The following PRKAG2 variants were observed in gnomAD, a reference collection of about 807,000 sequenced individuals.
PRKAG2 encodes 5'-AMP-activated protein kinase subunit gamma-2.
In PRKAG2, 26 loss-of-function variants were observed where a neutral mutation model predicts 69.6. That is an observed-to-expected ratio of 0.37 (90% CI 0.27 to 0.52). PRKAG2 has a LOEUF of 0.52. Among genes scored for constraint, PRKAG2 ranks in the 20% least tolerant of loss-of-function variants. PRKAG2 has a pLI of 0.90. For synonymous variants in PRKAG2, 293 were observed against 285.0 expected (o/e 1.03, Z -0.28); for missense variants, 557 against 740.0 (o/e 0.75, Z 2.87).
chr7:151,672,234 T>C (rs1226574872), intron 4 of PRKAG2, among the ~76,000 whole-genome samples: 1 of 152,116 alleles, frequency 6.6e-6, no homozygotes, highest in Non-Finnish European at 1.5e-5. Context: ...CCCAAGTAGC[T>C]GGGATTACAG....
intron 6 of PRKAG2, among the ~76,000 whole-genome samples, chr7:151,577,082 C>T (rs1809127161): frequency 6.6e-6 from 1 of 151,700 alleles, no homozygotes; most frequent in Non-Finnish European, 1.5e-5. Context: ...TCTAATATCT[C>T]CTACATGTGG....
At chr7:151,700,224 T>C (rs779243960) in intron 3 of PRKAG2, among the ~76,000 whole-genome samples, 3 of 152,250 alleles carry the variant, frequency 2.0e-5, no homozygotes, top group African/African-American at 2.4e-5. Flanking sequence ...AGAGGCGTAT[T>C]ATACGCCGGG....
chr7:151,723,106 C>T (rs915144111), intron 3 of PRKAG2, among the ~76,000 whole-genome samples: 5 of 152,196 alleles, frequency 3.3e-5, no homozygotes, highest in Admixed American at 6.5e-5. Context: ...GAGAGGTGGA[C>T]CACAGTGACG....
intron 3 of PRKAG2, among the ~76,000 whole-genome samples, chr7:151,766,768 C>T (rs970852434): frequency 1.3e-5 from 2 of 152,214 alleles, no homozygotes; most frequent in Non-Finnish European, 2.9e-5. Context: ...AACACCTCTC[C>T]GAGCCAGTCC....
chr7:151,859,726 C>A (rs2079871340), intron 1 of PRKAG2, among the ~76,000 whole-genome samples: 1 of 152,202 alleles, frequency 6.6e-6, no homozygotes, highest in Non-Finnish European at 1.5e-5. Flanking sequence ...CTTCTGCTCT[C>A]ATCAGCCACT....
chr7:151,611,916 A>G (rs1224855461), intron 5 of PRKAG2, among the ~76,000 whole-genome samples: 2 of 152,256 alleles, frequency 1.3e-5, no homozygotes, highest in Non-Finnish European at 2.9e-5. Flanking sequence ...GTGGTGGTGC[A>G]CACCTGTGGT....
chr7:151,632,705 C>T lies in PRKAG2; in HGVS notation c.685-567G>A, dbSNP rs753576328. 2 of 705,874 alleles carry T rather than the reference C, an allele frequency of 2.8e-6. No homozygotes were observed. Among genetic ancestry groups the T allele is most frequent in the African/African-American group, 3.9e-5 (2 of 51,910 alleles). 43.7% of individuals were successfully genotyped at this position (705,874 alleles called of 1,614,324 possible). A position where few individuals can be genotyped will look rare whatever the true frequency, so the allele number is the denominator to read the frequency against. On this transcript the variant is annotated intron_variant, in intron 4 of 15. Coordinates refer to ENST00000287878, the MANE Select transcript of PRKAG2 (RefSeq NM_016203.4). This position sits in a 1 kb window ranked among gnomAD's most constrained non-coding sequence, Gnocchi z 4.2. ...AGCTAGGGGATCCTTTCTCGCTTTCCTCTTCCCTTTCCAAATTTTAGATGT... is the reference window on the plus strand; with the variant it reads ...AGCTAGGGGATCCTTTCTCGCTTTCTTCTTCCCTTTCCAAATTTTAGATGT...
intron 4 of PRKAG2, among the ~76,000 whole-genome samples, chr7:151,661,705 G>A (rs1032729403): frequency 6.6e-6 from 1 of 152,150 alleles, no homozygotes; most frequent in East Asian, 1.9e-4. Context: ...ACAACCCTTC[G>A]AAACAGGTTT....
chr7:151,786,508 C>T lies in PRKAG2; in HGVS notation c.148G>A (p.Gly50Arg), dbSNP rs1430071393. 2.5e-6 allele frequency: 4 copies of T among 1,612,860 alleles called. No homozygotes were observed. The highest frequency in any genetic ancestry group is 3.4e-6 in the Non-Finnish European group (4 of 1,179,674). ...LSSFAMPLLD[G>R]DLEGSGKHSS... ...TGCTTTCCGGAACCCTCCAGGTCTC[C>T]GTCCAGGAGCGGCATGGCGAAGGAG... is the stretch of plus-strand genomic sequence containing the variant. The change falls in exon 2 of 16, where the codon GGA becomes AGA. Residue 50 changes from glycine (G) to arginine (R), a missense_variant. Around this residue, in one of 2 missense-constraint regions of PRKAG2, gnomAD observed 352 missense variants for 356.7 expected, o/e 0.99. Coordinates refer to ENST00000287878, the MANE Select transcript of PRKAG2 (RefSeq NM_016203.4).
chr7:151,715,840 G>A (rs1183853104), intron 3 of PRKAG2, among the ~76,000 whole-genome samples: 1 of 146,798 alleles, frequency 6.8e-6, no homozygotes, highest in African/African-American at 2.7e-5. Flanking sequence ...GAGAGAGGGC[G>A]GGGCGGGGCA....
At chr7:151,657,719 T>C (rs529093661) in intron 4 of PRKAG2, among the ~76,000 whole-genome samples, 1 of 152,320 alleles carries the variant, frequency 6.6e-6, no homozygotes, top group East Asian at 1.9e-4. Flanking sequence ...CCTACCTTCA[T>C]AGTCTAGACA....
chr7:151,565,423 G>A (rs776542378), intron 12 of PRKAG2, 40 bp from the exon 13 acceptor site: 2 of 1,261,750 alleles, frequency 1.6e-6, no homozygotes, highest in African/African-American at 1.5e-5. Context: ...TGTCTTAAGG[G>A]ACAAAAAGAA....
intron 3 of PRKAG2, among the ~76,000 whole-genome samples, chr7:151,700,359 C>T (rs1451810371): frequency 2.6e-5 from 4 of 152,158 alleles, no homozygotes; most frequent in African/African-American, 4.8e-5. Flanking sequence ...TTGTTAGACA[C>T]GCAGACCTCC....
At position 151,814,339 on chromosome 7, in the gene PRKAG2, G is replaced by A. The variant is rs1306006963; in HGVS notation, c.115-27798C>T. Reference sequence around the variant, plus strand: ...TTACACACCAAGGAGACAAAGCATCGTGAGGGGGAAAACCGCACACCCAGG... The same window carrying A: ...TTACACACCAAGGAGACAAAGCATCATGAGGGGGAAAACCGCACACCCAGG... On this transcript the variant is annotated intron_variant, in intron 1 of 15. Coordinates refer to ENST00000287878, the MANE Select transcript of PRKAG2 (RefSeq NM_016203.4). This position sits in a 1 kb window ranked among gnomAD's most constrained non-coding sequence, Gnocchi z 4.8. The A allele has an allele frequency of 1.7e-5, 17 of 1,029,374 alleles. No homozygotes were observed. The highest frequency in any genetic ancestry group is 3.6e-4 in the Middle Eastern group (1 of 2,746). 63.8% of individuals were successfully genotyped at this position (1,029,374 alleles called of 1,614,324 possible).
chr7:151,721,833 C>A (rs1797167982), intron 3 of PRKAG2, among the ~76,000 whole-genome samples: 1 of 152,130 alleles, frequency 6.6e-6, no homozygotes. Context: ...ACCCAGGTCC[C>A]TTAGTTCCCA....
At chr7:151,715,037 T>C (rs1167657107) in intron 3 of PRKAG2, among the ~76,000 whole-genome samples, 3 of 147,930 alleles carry the variant, frequency 2.0e-5, no homozygotes, top group Non-Finnish European at 4.5e-5. Flanking sequence ...TTTTTTGAGA[T>C]GGAGTTTCGC....
intron 3 of PRKAG2, among the ~76,000 whole-genome samples, chr7:151,745,749 C>T (rs2074238791): frequency 6.6e-6 from 1 of 152,084 alleles, no homozygotes; most frequent in African/African-American, 2.4e-5. Context: ...TTTAGCATGC[C>T]GAAATGCAGC....
intron 5 of PRKAG2, among the ~76,000 whole-genome samples, chr7:151,608,003 C>G (rs1817903986): frequency 6.6e-6 from 1 of 152,122 alleles, no homozygotes; most frequent in South Asian, 2.1e-4. Context: ...GCCCTAAATC[C>G]AATGACAAGT....
Position 151,758,595 on chromosome 7 carries a change from T to C in PRKAG2, c.466+22557A>G, listed in dbSNP as rs1348959852. ...GGGAGATCCAAGGTCCCCAGAGACA[T>C]GGTGTTCTTCCCATGTTGGGTGACC... On this transcript the variant is annotated intron_variant, in intron 3 of 15. Transcript: ENST00000287878. Among the ~76,000 whole-genome samples the C allele has an allele frequency of 3.3e-5, 5 of 152,126 alleles. No individual in the cohort carries two copies. The East Asian group carries it at 9.6e-4, about 29-fold the overall frequency.
Sources: allele counts gnomAD v4.1 joint callset (sites outside exome capture counted in the v4.1 genomes callset), GRCh38; gene constraint gnomAD v4.1.1; regional missense constraint gnomAD v4.1.1; non-coding constraint Gnocchi (gnomAD v3.1); transcripts MANE v1.5; gene names NCBI Gene and HGNC (gene_info 2026-07-23, HGNC 2026-07-21).